Variants in LOXL2 observed in about 807,000 individuals in gnomAD.
The protein encoded by LOXL2 is lysyl oxidase like 2.
Under a neutral mutation model 93.0 loss-of-function variants are expected in LOXL2, and 70 were observed. That is an observed-to-expected ratio of 0.75 (90% CI 0.62 to 0.92). The LOEUF (loss-of-function observed/expected upper bound fraction) is 0.92. LOXL2 is among the 40% of genes least tolerant of loss of function. The pLI, the probability that LOXL2 is intolerant of heterozygous loss-of-function variation, is 0.00. For synonymous variants in LOXL2, 438 were observed against 413.2 expected (o/e 1.06, Z -0.73); for missense variants, 973 against 1,054.9 (o/e 0.92, Z 1.08).
intron 1 of LOXL2, among the ~76,000 whole-genome samples, chr8:23,394,329 G>A (rs1800060388): frequency 1.3e-5 from 2 of 148,532 alleles, no homozygotes; most frequent in Admixed American, 1.4e-4. Flanking sequence ...GGAGGTGGAG[G>A]TTGCAATGAG....
At chr8:23,376,874 T>A (rs1179805192) in intron 1 of LOXL2, among the ~76,000 whole-genome samples, 2 of 152,214 alleles carry the variant, frequency 1.3e-5, no homozygotes, top group Non-Finnish European at 2.9e-5. Context: ...ATTTTGTTGA[T>A]CTTTTCAAAA....
Position 23,385,852 on chromosome 8 carries a change from G to A in LOXL2, c.-83-17418C>T. The stretch of plus-strand genomic sequence containing the variant: ...TGGAATCAATACAAAAATTATTAAT[G>A]AGATGTTTTGCGTTCTTTTTTCTTT... On this transcript the variant is annotated intron_variant, in intron 1 of 13. Transcript: ENST00000389131. 2 of 696,380 alleles carry A rather than the reference G, an allele frequency of 2.9e-6. 1 individual carries two copies. The highest frequency in any genetic ancestry group is 4.1e-5 in the Admixed American group (2 of 49,134). 43.1% of individuals were successfully genotyped at this position (696,380 alleles called of 1,614,324 possible). A position where few individuals can be genotyped will look rare whatever the true frequency, so the allele number is the denominator to read the frequency against.
At chr8:23,355,790 G>A (rs1192117795) in intron 3 of LOXL2, among the ~76,000 whole-genome samples, 1 of 151,062 alleles carries the variant, frequency 6.6e-6, no homozygotes. Context: ...TTTTAATTTG[G>A]TAGAGACACG....
chr8:23,297,992 C>T lies in LOXL2; in HGVS notation c.*51G>A, dbSNP rs1803064976. The T allele has an allele frequency of 6.7e-7, 1 of 1,487,762 alleles. No individual in the cohort carries two copies. The highest frequency in any genetic ancestry group is 2.3e-5 in the East Asian group (1 of 44,046). 92.2% of individuals were successfully genotyped at this position (1,487,762 alleles called of 1,614,324 possible). A position where few individuals can be genotyped will look rare whatever the true frequency, so the allele number is the denominator to read the frequency against. On this transcript the variant is annotated 3_prime_UTR_variant, in exon 14 of 14. Coordinates refer to ENST00000389131, the MANE Select transcript of LOXL2 (RefSeq NM_002318.3). ...AGACTCAGTTGTTGGGGGGAAGTCC[C>T]ATGGAAGATGTGGTGTGGCCTGAAG...
chr8:23,334,583 T>G (rs1406405850), intron 4 of LOXL2, among the ~76,000 whole-genome samples: 1 of 152,128 alleles, frequency 6.6e-6, no homozygotes, highest in Non-Finnish European at 1.5e-5. Flanking sequence ...CTGTACCATA[T>G]CCTAAGGAAG....
Position 23,297,732 on chromosome 8 carries a change from A to T in LOXL2, c.*311T>A. On this transcript the variant is annotated 3_prime_UTR_variant, in exon 14 of 14. Transcript: ENST00000389131. ...TGGTGAGCTCGGTGGCTTGAATGGG[A>T]CAAGCTGATGACAACCTGTCTGTGG... 2 of 277,516 alleles carry T rather than the reference A, an allele frequency of 7.2e-6. No homozygotes were observed. Among genetic ancestry groups the T allele is most frequent in the South Asian group, 1.5e-4 (2 of 13,596 alleles). The allele number at this position is 277,516 out of a possible 1,614,324, so 17.2% of individuals were successfully genotyped here.
intron 4 of LOXL2, among the ~76,000 whole-genome samples, chr8:23,340,673 G>A (rs1244533451): frequency 1.3e-5 from 2 of 152,174 alleles, no homozygotes; most frequent in East Asian, 1.9e-4. Context: ...TGAGCTGGCC[G>A]GCAGCACCCT....
At chr8:23,304,668 A>C (rs529769044) in intron 10 of LOXL2, among the ~76,000 whole-genome samples, 1 of 152,332 alleles carries the variant, frequency 6.6e-6, no homozygotes, top group Non-Finnish European at 1.5e-5. Flanking sequence ...ACTAATGCGA[A>C]GTGGTAGCAC....
chr8:23,345,028 C>T (rs1223157070), intron 3 of LOXL2, among the ~76,000 whole-genome samples: 1 of 152,202 alleles, frequency 6.6e-6, no homozygotes, highest in African/African-American at 2.4e-5. Context: ...TATCAAACAC[C>T]AATTAATTGC....
chr8:23,371,401 C>T (rs77619255), intron 1 of LOXL2, among the ~76,000 whole-genome samples: 5,126 of 152,122 alleles, frequency 0.034, 175 homozygotes, highest in East Asian at 0.1. Flanking sequence ...CAATGAAGAT[C>T]GAGTGTGTAA....
rs374224796 is a variant in LOXL2, at chr8:23,344,104, A to G, written c.532-2901T>C. ...GAAGAAGGCCTGGCTGGAGGAGCTC[A>G]GCAGACCCCGCTGGAAAGAGCTACG... On this transcript the variant is annotated intron_variant, in intron 3 of 13. Coordinates refer to ENST00000389131, the MANE Select transcript of LOXL2 (RefSeq NM_002318.3). Among the ~76,000 whole-genome samples, 5 of 152,360 alleles carry G rather than the reference A, an allele frequency of 3.3e-5. No homozygotes were observed. The East Asian group carries it at 9.7e-4, about 29-fold the overall frequency.
intron 1 of LOXL2, among the ~76,000 whole-genome samples, chr8:23,403,135 G>A (rs1800173387): frequency 3.3e-5 from 5 of 152,162 alleles, no homozygotes; most frequent in Admixed American, 3.3e-4. Context: ...TGGTGAGAAG[G>A]GGCGCGGTGG....
At chr8:23,318,032 A>ATTTG (rs1803430532) in intron 8 of LOXL2, among the ~76,000 whole-genome samples, 1 of 151,742 alleles carries the variant, frequency 6.6e-6, no homozygotes, top group Non-Finnish European at 1.5e-5. Context: ...GTACCCAGAT[A>ATTTG]TTTGGTCAAA....
chr8:23,382,170 T>C (rs749799044), intron 1 of LOXL2, among the ~76,000 whole-genome samples: 36 of 152,188 alleles, frequency 2.4e-4, no homozygotes, highest in Middle Eastern at 3.4e-3. Context: ...GAAAACCATG[T>C]CCCCTTTTTC....
chr8:23,298,240 C>T (rs1346065275), intron 13 of LOXL2, 118 bp from the exon 14 acceptor site: 3 of 701,322 alleles, frequency 4.3e-6, no homozygotes, highest in South Asian at 1.7e-5. Context: ...GTGCCCTCCT[C>T]AAAAGGACAG....
intron 11 of LOXL2, among the ~76,000 whole-genome samples, chr8:23,302,629 G>A (rs563241291): frequency 1.7e-4 from 26 of 152,272 alleles, no homozygotes; most frequent in African/African-American, 5.5e-4. Flanking sequence ...GTGATTTCAC[G>A]GCAAGTCAGT....
intron 3 of LOXL2, among the ~76,000 whole-genome samples, chr8:23,353,739 A>AT (rs1357471834): frequency 1.3e-5 from 2 of 152,152 alleles, no homozygotes. Context: ...AAATCATCTG[A>AT]TTTTTTTCCC....
chr8:23,305,375 G>A (rs1380883602), intron 10 of LOXL2, among the ~76,000 whole-genome samples: 2 of 152,294 alleles, frequency 1.3e-5, no homozygotes, highest in African/African-American at 4.8e-5. Flanking sequence ...GGAGCAGCTG[G>A]TTTCATGGCC....
chr8:23,379,427 A>G (rs1050232781), intron 1 of LOXL2, among the ~76,000 whole-genome samples: 1 of 151,966 alleles, frequency 6.6e-6, no homozygotes, highest in Non-Finnish European at 1.5e-5. Flanking sequence ...CAGATCTCAA[A>G]CTCCATGCTG....
Sources: gnomAD v4.1 joint callset for allele counts (sites outside exome capture counted in the v4.1 genomes callset) on GRCh38, gnomAD v4.1.1 for gene constraint, MANE v1.5 for transcripts, NCBI Gene and HGNC (gene_info 2026-07-23, HGNC 2026-07-21) for gene names.